DNAH17: variants seen among roughly 807,000 people sequenced by gnomAD.
DNAH17 encodes axonemal beta dynein heavy chain 17.
In DNAH17, 376 loss-of-function variants were observed where a neutral mutation model predicts 485.6. That is an observed-to-expected ratio of 0.77 (90% CI 0.71 to 0.84). The LOEUF is 0.84. Ranked by LOEUF, DNAH17 falls within the 40% of genes least tolerant of loss-of-function variation. The pLI is 0.00. For missense variants in DNAH17, 6,370 were observed against 5,839.3 expected (o/e 1.09, Z -2.96); for synonymous variants, 3,031 against 2,405.9 (o/e 1.26, Z -7.60).
chr17:78,543,424 G>A (rs1185092239), intron 17 of DNAH17, among the ~76,000 whole-genome samples: 6 of 152,010 alleles, frequency 3.9e-5, no homozygotes, highest in Non-Finnish European at 2.9e-5. Flanking sequence ...CCAAGTAGCT[G>A]GGACTACAAG....
chr17:78,461,655 C>T lies in DNAH17; in HGVS notation c.9228G>A (p.Lys3076=). 1 of 1,612,300 alleles carries T rather than the reference C, an allele frequency of 6.2e-7. No individual in the cohort carries two copies. ...LAIQEAELKQ[K]NESADQLIQV... ...GGATCAGTTGGTCTGCGCTCTCATTCTTCTGCTTGAGCTCAGCCTCCTGAA... is the reference window on the plus strand; with the variant it reads ...GGATCAGTTGGTCTGCGCTCTCATTTTTCTGCTTGAGCTCAGCCTCCTGAA... Residue 3076 remains lysine, a synonymous_variant, in exon 58 of 81, where the codon AAG becomes AAA. Coordinates refer to ENST00000389840, the MANE Select transcript of DNAH17 (RefSeq NM_173628.4).
intron 13 of DNAH17, among the ~76,000 whole-genome samples, 193 bp downstream of exon 13, chr17:78,560,547 T>C (rs1185132423): frequency 3.9e-5 from 6 of 152,156 alleles, no homozygotes; most frequent in African/African-American, 1.4e-4. Context: ...AAGATACTCA[T>C]TGAAGCTATT....
At chr17:78,431,584 T>A (rs2086677130) in intron 75 of DNAH17, among the ~76,000 whole-genome samples, 2 of 152,128 alleles carry the variant, frequency 1.3e-5, no homozygotes, top group South Asian at 2.1e-4. Context: ...CCTGATCTAT[T>A]TCCTCAGAGC....
intron 62 of DNAH17, among the ~76,000 whole-genome samples, chr17:78,456,267 C>T (rs1455754476): frequency 6.6e-6 from 1 of 152,280 alleles, no homozygotes; most frequent in South Asian, 2.1e-4. Context: ...CCACTGCATT[C>T]CAGCCTGGGT....
chr17:78,565,093 C>CT (rs1240751674), intron 11 of DNAH17, among the ~76,000 whole-genome samples: 13 of 152,280 alleles, frequency 8.5e-5, no homozygotes, highest in African/African-American at 3.1e-4. Context: ...CTGATGTCCC[C>CT]TCTAAGTAAT....
At chr17:78,485,862 C>T (rs1470965095) in intron 46 of DNAH17, 98 bp downstream of exon 46, 21 of 1,569,684 alleles carry the variant, frequency 1.3e-5, no homozygotes, top group African/African-American at 1.1e-4. Context: ...TGTTGAAAAT[C>T]GGTTGTGTTT....
At chr17:78,479,206 G>T in intron 50 of DNAH17, 90 bp from the exon 51 acceptor site, 1 of 1,311,604 alleles carries the variant, frequency 7.6e-7, no homozygotes, top group Non-Finnish European at 1.1e-6. Context: ...AATGGACTAC[G>T]AAATGGTGAC....
chr17:78,514,809 C>A lies in DNAH17; in HGVS notation c.4078G>T (p.Glu1360Ter), dbSNP rs774847102. The change falls in exon 26 of 81, where the codon GAA becomes TAA. Residue 1360 changes from glutamate to a stop codon, truncating the protein, a stop_gained. Transcript: ENST00000389840. LOFTEE classifies it high-confidence loss of function. ...VSELQNPAIR[E>*]RHWQQLMQAT... The stretch of plus-strand genomic sequence containing the variant: ...TGCATGAGCTGCTGCCAGTGGCGTT[C>A]CCGAATGGCAGGGTTCTGCAGCTCG... 6.2e-7 allele frequency: 1 copy of A among 1,613,900 alleles called. No homozygotes were observed.
chr17:78,571,736 T>C lies in DNAH17; in HGVS notation c.586A>G (p.Thr196Ala), dbSNP rs750760692. 2.5e-6 allele frequency: 4 copies of C among 1,610,644 alleles called. No homozygotes were observed. The highest frequency in any genetic ancestry group is 2.2e-5 in the East Asian group (1 of 44,850). ...DNLLLHAIET[T>A]IIDWSHQIRD... is the part of the protein sequence containing the mutation. ...ATCTGGTGGGACCAGTCGATGATGGTGGTTTCAATGGCGTGCAGGAGCAAG... is the reference window on the plus strand; with the variant it reads ...ATCTGGTGGGACCAGTCGATGATGGCGGTTTCAATGGCGTGCAGGAGCAAG... Residue 196 changes from threonine to alanine, a missense_variant, in exon 4 of 81, where the codon ACC becomes GCC. Transcript: ENST00000389840.
intron 69 of DNAH17, among the ~76,000 whole-genome samples, chr17:78,448,314 C>T (rs1022533035): frequency 1.6e-4 from 24 of 151,254 alleles, no homozygotes; most frequent in Admixed American, 1.6e-3. Flanking sequence ...GCCTGGGCAA[C>T]AGAGCGAGAC....
At chr17:78,462,273 G>A (rs1457011283) in intron 57 of DNAH17, among the ~76,000 whole-genome samples, 1 of 131,126 alleles carries the variant, frequency 7.6e-6, no homozygotes, top group Non-Finnish European at 1.6e-5. Flanking sequence ...GGGGGGTGGG[G>A]GCAGGGGTGC....
Position 78,507,738 on chromosome 17 carries a change from C to T in DNAH17, c.4304G>A (p.Gly1435Asp). The stretch of plus-strand genomic sequence containing the variant: ...CTCGCTGGACTTGAGCATCATGGTG[C>T]CTGTCCGCGGGTGCGGCTCGTGCTG... ...EFQHEPHPRT[G>D]TMMLKSSEVL... Residue 1435 changes from glycine (G) to aspartate (D), a missense_variant, in exon 28 of 81, where the codon GGC (glycine) becomes GAC (aspartate). By Grantham distance (94) the Gly-to-Asp change is moderately conservative (BLOSUM62 -1). Coordinates refer to ENST00000389840, the MANE Select transcript of DNAH17 (RefSeq NM_173628.4). 6.2e-7 allele frequency: 1 copy of T among 1,603,448 alleles called. No individual in the cohort carries two copies. Among genetic ancestry groups the T allele is most frequent in the African/African-American group, 1.3e-5 (1 of 75,024 alleles).
intron 75 of DNAH17, among the ~76,000 whole-genome samples, chr17:78,431,705 G>A (rs556713457): frequency 6.6e-5 from 10 of 152,220 alleles, no homozygotes; most frequent in Non-Finnish European, 1.3e-4. Flanking sequence ...GGGAGTCTGT[G>A]GAGGGGGAGG....
At chr17:78,568,053 G>A (rs765310329) in intron 9 of DNAH17, among the ~76,000 whole-genome samples, 2 of 152,134 alleles carry the variant, frequency 1.3e-5, no homozygotes, top group African/African-American at 2.4e-5. Flanking sequence ...GACAGGCACC[G>A]AGGACCAGGA....
chr17:78,495,088 G>A lies in DNAH17; in HGVS notation c.5913C>T (p.Ala1971=). Residue 1971 remains alanine, a synonymous_variant, in exon 39 of 81, where the codon GCC becomes GCT. Transcript: ENST00000389840. ...TCAGTTCGAAGTCGGGGACGACCATGGCACAGGGCCTGGGGAGGTCAGCGG... is the reference window on the plus strand; with the variant it reads ...TCAGTTCGAAGTCGGGGACGACCATAGCACAGGGCCTGGGGAGGTCAGCGG... ...ENLKALFRPC[A]MVVPDFELIC... 3 of 1,607,642 alleles carry A rather than the reference G, an allele frequency of 1.9e-6. No homozygotes were observed. Among genetic ancestry groups the A allele is most frequent in the East Asian group, 2.2e-5 (1 of 44,718 alleles).
At position 78,539,781 on chromosome 17, in the gene DNAH17, T is replaced by C. The variant is rs1054558685; in HGVS notation, c.2632A>G (p.Ile878Val). The C allele has an allele frequency of 1.2e-6, 2 of 1,611,972 alleles. No individual in the cohort carries two copies. Among genetic ancestry groups the C allele is most frequent in the East Asian group, 2.2e-5 (1 of 44,868 alleles). The part of the protein sequence containing the change: ...DMVLDEFDQF[I>V]RKSLSFLMDN... ...ATTAGGAAACTCAGAGATTTGCGAA[T>C]GAACTGGTCAAATTCATCTAAGACC... The change falls in exon 18 of 81, where the codon ATT becomes GTT. Residue 878 changes from isoleucine to valine, a missense_variant. By Grantham distance (29) the Ile-to-Val change is conservative. Coordinates refer to ENST00000389840, the MANE Select transcript of DNAH17 (RefSeq NM_173628.4).
intron 21 of DNAH17, among the ~76,000 whole-genome samples, 158 bp from the exon 22 acceptor site, chr17:78,529,852 C>T (rs2143293555): frequency 6.6e-6 from 1 of 152,284 alleles, no homozygotes; most frequent in Non-Finnish European, 1.5e-5. Flanking sequence ...CCTTGGATCC[C>T]TCCAGCTCAC....
Position 78,501,733 on chromosome 17 carries a change from C to T in DNAH17, c.5322+9G>A, listed in dbSNP as rs1244348068. The stretch of plus-strand genomic sequence containing the variant: ...CTTCCCCTGGCCCCTGGGACAGGGG[C>T]GCTCATGCCTTGGCCACGATCATTT... On this transcript the variant is annotated intron_variant, in intron 34 of 80. Coordinates refer to ENST00000389840, the MANE Select transcript of DNAH17 (RefSeq NM_173628.4). 6.2e-5 allele frequency: 100 copies of T among 1,611,368 alleles called. No homozygotes were observed. Among genetic ancestry groups the T allele is most frequent in the Non-Finnish European group, 8.0e-5 (94 of 1,179,564 alleles).
chr17:78,476,684 A>G lies in DNAH17; in HGVS notation c.8042T>C (p.Val2681Ala), dbSNP rs1272072006. The G allele has an allele frequency of 6.2e-7, 1 of 1,613,034 alleles. No individual in the cohort carries two copies. Among genetic ancestry groups the G allele is most frequent in the African/African-American group, 1.3e-5 (1 of 74,900 alleles). ...AEVLKTPLDLVRLWLHETERV... is the reference protein window; with the variant it reads ...AEVLKTPLDLARLWLHETERV... ...TTCAGTCTCATGTAGCCAAAGGCGGACGAGGTCCAGTGGGGTTTTCAGAAC... is the reference window on the plus strand; with the variant it reads ...TTCAGTCTCATGTAGCCAAAGGCGGGCGAGGTCCAGTGGGGTTTTCAGAAC... The change falls in exon 52 of 81, where the codon GTC (valine) becomes GCC (alanine). Residue 2681 changes from valine to alanine, a missense_variant. Transcript: ENST00000389840.
Sources: allele counts gnomAD v4.1 joint callset (sites outside exome capture counted in the v4.1 genomes callset), GRCh38; gene constraint gnomAD v4.1.1; transcripts MANE v1.5; gene names NCBI Gene and HGNC (gene_info 2026-07-23, HGNC 2026-07-21).